STPG2: variants seen among roughly 807,000 people sequenced by gnomAD.
STPG2 encodes the protein sperm tail PG-rich repeat containing 2.
STPG2 carries 56 observed loss-of-function variants against 54.2 expected under a neutral mutation model. That is an observed-to-expected ratio of 1.03 (90% confidence interval 0.83 to 1.29). The LOEUF (loss-of-function observed/expected upper bound fraction) is 1.29. Ranked by LOEUF, STPG2 falls within the 50% of genes most tolerant of loss-of-function variation. The pLI is 0.00. For synonymous variants in STPG2, 200 were observed against 181.8 expected (o/e 1.10, Z -0.81); for missense variants, 596 against 544.9 (o/e 1.09, Z -0.93).
At chr4:97,922,206 T>C (rs1459292765) in intron 8 of STPG2, among the ~76,000 whole-genome samples, 1 of 152,164 alleles carries the variant, frequency 6.6e-6, no homozygotes, top group Non-Finnish European at 1.5e-5. Flanking sequence ...TGTTAATTAG[T>C]TTTATTACAT....
At chr4:97,493,017 T>C (rs1260369145) in intron 4 of STPG2, among the ~76,000 whole-genome samples, 1 of 150,104 alleles carries the variant, frequency 6.7e-6, no homozygotes, top group African/African-American at 2.4e-5. Context: ...CTGAGATTTC[T>C]GATCCCAGGC....
At chr4:98,110,659 TCTTTA>T (rs899435912) in intron 3 of STPG2, among the ~76,000 whole-genome samples, 6 of 152,094 alleles carry the variant, frequency 3.9e-5, no homozygotes, top group Non-Finnish European at 7.4e-5. Flanking sequence ...TTCCAAGTGT[TCTTTA>T]CTTCCTTTTT....
In STPG2 at chr4:97,744,850, G is replaced by A. The variant is rs552965660; in HGVS notation, c.1205-32036C>T. ...GAAACCCGCAGAAAGTGAAAGAGTGGTTAAGGAAGGACTACTGTATTCAGA... is the reference window on the plus strand; with the variant it reads ...GAAACCCGCAGAAAGTGAAAGAGTGATTAAGGAAGGACTACTGTATTCAGA... On this transcript the variant is annotated intron_variant, in intron 9 of 10. Coordinates refer to ENST00000295268, the MANE Select transcript of STPG2 (RefSeq NM_174952.3). Among the ~76,000 whole-genome samples, 13 of 151,496 alleles carry A rather than the reference G, an allele frequency of 8.6e-5. No individual in the cohort carries two copies. The South Asian group carries it at 2.5e-3, about 29-fold the overall frequency.
intron 10 of STPG2, among the ~76,000 whole-genome samples, chr4:97,653,678 T>C (rs1257298042): frequency 1.3e-5 from 2 of 152,076 alleles, no homozygotes; most frequent in Non-Finnish European, 2.9e-5. Context: ...GACAAAATTA[T>C]GTTATTGATA....
chr4:97,613,048 C>T (rs969483546), intron 10 of STPG2, among the ~76,000 whole-genome samples: 1 of 152,080 alleles, frequency 6.6e-6, no homozygotes, highest in African/African-American at 2.4e-5. Context: ...TATTACTTCT[C>T]CTAATGTTAA....
intron 9 of STPG2, among the ~76,000 whole-genome samples, chr4:97,823,941 A>G (rs112881060): frequency 0.012 from 1,897 of 152,184 alleles, 35 homozygotes; most frequent in African/African-American, 0.044. Flanking sequence ...CCTTCCTAAG[A>G]TTTAGGGGAT....
rs1005576253 is a variant in STPG2 at position 97,620,104 on chromosome 4, G to A, written c.1321-60987C>T. On this transcript the variant is annotated intron_variant, in intron 10 of 10. Coordinates refer to ENST00000295268, the MANE Select transcript of STPG2 (RefSeq NM_174952.3). ...CTCCCAAAGTGCTGGGATTACAGGC[G>A]TGAGCCACTGCACCCAGCCACATTA... is the stretch of plus-strand genomic sequence containing the variant. Among the ~76,000 whole-genome samples the A allele has an allele frequency of 3.3e-5, 5 of 152,068 alleles. 1 individual carries two copies. The highest frequency in any genetic ancestry group is 2.0e-4 in the Admixed American group (3 of 15,258).
At chr4:98,086,266 A>T (rs971399849) in intron 5 of STPG2, among the ~76,000 whole-genome samples, 1 of 152,128 alleles carries the variant, frequency 6.6e-6, no homozygotes, top group Admixed American at 6.5e-5. Context: ...GCCTTATAAA[A>T]GTTAAGTAAT....
intron 10 of STPG2, among the ~76,000 whole-genome samples, chr4:97,591,470 T>C (rs1427406261): frequency 6.6e-6 from 1 of 152,208 alleles, no homozygotes; most frequent in African/African-American, 2.4e-5. Flanking sequence ...TTGCTTGATT[T>C]CTGAAGCAAA....
chr4:98,089,302 T>C (rs1738615432), intron 5 of STPG2, among the ~76,000 whole-genome samples: 1 of 152,120 alleles, frequency 6.6e-6, no homozygotes, highest in South Asian at 2.1e-4. Flanking sequence ...GAACATACAA[T>C]ATTCGATTTT....
chr4:97,909,606 A>G (rs1213413253), intron 8 of STPG2, among the ~76,000 whole-genome samples: 1 of 152,198 alleles, frequency 6.6e-6, no homozygotes, highest in Admixed American at 6.5e-5. Context: ...GGATACATCA[A>G]AAACACCTAC....
At chr4:97,940,760 T>G (rs1347056055) in intron 8 of STPG2, among the ~76,000 whole-genome samples, 1 of 152,172 alleles carries the variant, frequency 6.6e-6, no homozygotes, top group Non-Finnish European at 1.5e-5. Flanking sequence ...TTATCATTAT[T>G]ATTCCCTACA....
intron 4 of STPG2, among the ~76,000 whole-genome samples, chr4:97,482,633 T>C (rs1035512536): frequency 4.6e-5 from 7 of 151,628 alleles, no homozygotes; most frequent in African/African-American, 1.7e-4. Context: ...GCAAACATAT[T>C]TGGGGGAATA....
chr4:97,738,656 A>G (rs1397012555), intron 9 of STPG2, among the ~76,000 whole-genome samples: 2 of 152,216 alleles, frequency 1.3e-5, no homozygotes, highest in African/African-American at 4.8e-5. Flanking sequence ...CAACAAGAAG[A>G]GCTAACTATC....
At chr4:97,795,425 C>A (rs1727134868) in intron 9 of STPG2, among the ~76,000 whole-genome samples, 2 of 152,108 alleles carry the variant, frequency 1.3e-5, no homozygotes, top group Non-Finnish European at 2.9e-5. Flanking sequence ...CAATTCCCAC[C>A]TATAAGTGAG....
In STPG2 at chr4:98,087,903, T is replaced by C. The variant is rs141774160; in HGVS notation, c.612+18050A>G. Among the ~76,000 whole-genome samples the C allele has an allele frequency of 3.7e-4, 57 of 152,342 alleles. 2 individuals carry two copies. In the East Asian group the frequency reaches 0.01, roughly 28 times the overall value. On this transcript the variant is annotated intron_variant, in intron 5 of 10. Coordinates refer to ENST00000295268, the MANE Select transcript of STPG2 (RefSeq NM_174952.3). The stretch of plus-strand genomic sequence containing the variant: ...CCATCTTGTGTTTGGGATTTAAAAT[T>C]AATAAGCCCTAATCCCTGACTCCAA...
At chr4:97,535,646 C>T (rs1289968263) in intron 4 of STPG2, among the ~76,000 whole-genome samples, 2 of 152,010 alleles carry the variant, frequency 1.3e-5, no homozygotes, top group Non-Finnish European at 2.9e-5. Context: ...TAAAGTGTGA[C>T]CCTTTTTCTC....
intron 8 of STPG2, among the ~76,000 whole-genome samples, chr4:97,856,167 T>C (rs1281873952): frequency 2.6e-5 from 4 of 152,212 alleles, no homozygotes; most frequent in African/African-American, 9.6e-5. Context: ...TTTGGTTCCG[T>C]ATGAATTCTA....
chr4:97,987,948 G>GT (rs1453094812), intron 5 of STPG2, among the ~76,000 whole-genome samples: 2 of 151,410 alleles, frequency 1.3e-5, no homozygotes, highest in African/African-American at 4.9e-5. Context: ...GAGTCAGATT[G>GT]TATCACTCCG....
Sources: allele counts gnomAD v4.1 joint callset (sites outside exome capture counted in the v4.1 genomes callset), GRCh38; gene constraint gnomAD v4.1.1; transcripts MANE v1.5; gene names NCBI Gene and HGNC (gene_info 2026-07-23, HGNC 2026-07-21).